PHKB: variants seen among roughly 807,000 people sequenced by gnomAD.
The protein encoded by PHKB is phosphorylase b kinase regulatory subunit beta.
Under a neutral mutation model 152.1 loss-of-function variants are expected in PHKB, and 122 were observed. The observed-to-expected ratio is 0.80, with a 90% CI of 0.69 to 0.93. The LOEUF is 0.93. PHKB is among the 40% of genes least tolerant of loss of function. The pLI, the probability that PHKB is intolerant of heterozygous loss-of-function variation, is 0.00. For missense variants in PHKB, 1,304 were observed against 1,328.4 expected (o/e 0.98, Z 0.29); for synonymous variants, 436 against 464.9 (o/e 0.94, Z 0.80).
intron 3 of PHKB, among the ~76,000 whole-genome samples, chr16:47,501,239 T>G (rs1044188007): frequency 6.6e-6 from 1 of 152,180 alleles, no homozygotes; most frequent in Non-Finnish European, 1.5e-5. Flanking sequence ...AGTCTACATA[T>G]GAACAAAGCT....
chr16:47,558,140 A>AACCAAAC (rs1306367015), intron 7 of PHKB, among the ~76,000 whole-genome samples: 1 of 150,086 alleles, frequency 6.7e-6, no homozygotes, highest in Non-Finnish European at 1.5e-5. Flanking sequence ...AAGGACAAAA[A>AACCAAAC]ACCAAACACT....
chr16:47,606,527 G>A (rs1447506726), intron 13 of PHKB, among the ~76,000 whole-genome samples: 4 of 152,118 alleles, frequency 2.6e-5, no homozygotes, highest in Non-Finnish European at 5.9e-5. Flanking sequence ...GAAGTGTGCC[G>A]ACTCACTTTA....
At chr16:47,676,657 A>G (rs1973737578) in intron 26 of PHKB, among the ~76,000 whole-genome samples, 1 of 152,154 alleles carries the variant, frequency 6.6e-6, no homozygotes, top group South Asian at 2.1e-4. Flanking sequence ...TTCCAAGGTT[A>G]ATCTTGCCAA....
rs377750531 is a variant in PHKB at position 47,503,021 on chromosome 16, T to G, written c.336T>G (p.His112Gln). 3 of 1,613,240 alleles carry G rather than the reference T, an allele frequency of 1.9e-6. No individual in the cohort carries two copies. Among genetic ancestry groups the G allele is most frequent in the Non-Finnish European group, 2.5e-6 (3 of 1,179,144 alleles). Residue 112 changes from histidine (H) to glutamine (Q), a missense_variant, in exon 4 of 31, where the codon CAT becomes CAG. Transcript: ENST00000323584. Reference sequence around the variant, plus strand: ...TTGATGATGACAAGGGAAGGACCCATGAGCTGGAGCACTCAGCTATAAAAT... The same window carrying G: ...TTGATGATGACAAGGGAAGGACCCAGGAGCTGGAGCACTCAGCTATAAAAT... ...RRIDDDKGRT[H>Q]ELEHSAIKCM...
At chr16:47,504,582 A>G (rs563906823) in intron 4 of PHKB, among the ~76,000 whole-genome samples, 3 of 152,362 alleles carry the variant, frequency 2.0e-5, no homozygotes, top group African/African-American at 7.2e-5. Flanking sequence ...AACTCTTTTC[A>G]GGACAATCTG....
chr16:47,580,410 T>C (rs1310184399), intron 8 of PHKB, 52 bp downstream of exon 8: 4 of 1,273,970 alleles, frequency 3.1e-6, no homozygotes, highest in African/African-American at 2.9e-5. Flanking sequence ...CACATTTAAT[T>C]AATTTGGCTA....
chr16:47,489,771 T>C (rs1970114845), intron 1 of PHKB, among the ~76,000 whole-genome samples: 1 of 152,214 alleles, frequency 6.6e-6, no homozygotes, highest in Admixed American at 6.5e-5. Flanking sequence ...AAGTTGAGCT[T>C]GACTCTTTAA....
rs749953598 is a variant in PHKB, at chr16:47,499,818, G to A, written c.229G>A (p.Gly77Ser). ...TTGLFPTKTCGGDQKAKIQDS... is the reference protein window; with the variant it reads ...TTGLFPTKTCSGDQKAKIQDS... ...CGGTCTCTTTCCCACTAAAACATGCGGTGGTGACCAGAAGGCCAAGATCCA... is the reference window on the plus strand; with the variant it reads ...CGGTCTCTTTCCCACTAAAACATGCAGTGGTGACCAGAAGGCCAAGATCCA... Residue 77 changes from glycine to serine, a missense_variant, in exon 3 of 31, where the codon GGT (glycine) becomes AGT (serine). Physicochemically the swap from Gly to Ser is moderately conservative, Grantham distance 56 (BLOSUM62 0). Coordinates refer to ENST00000323584, the MANE Select transcript of PHKB (RefSeq NM_000293.3). 3.2e-5 allele frequency: 51 copies of A among 1,614,050 alleles called. No individual in the cohort carries two copies. The highest frequency in any genetic ancestry group is 5.3e-5 in the African/African-American group (4 of 74,930).
intron 16 of PHKB, among the ~76,000 whole-genome samples, chr16:47,642,536 A>G (rs1973043317): frequency 6.6e-6 from 1 of 152,232 alleles, no homozygotes; most frequent in African/African-American, 2.4e-5. Flanking sequence ...GTTTAGTAGA[A>G]GTCTTTGTAA....
At chr16:47,541,918 T>G (rs1971066919) in intron 6 of PHKB, among the ~76,000 whole-genome samples, 1 of 152,228 alleles carries the variant, frequency 6.6e-6, no homozygotes, top group African/African-American at 2.4e-5. Context: ...ATGGGTAGAT[T>G]GCAAAATTTT....
chr16:47,470,454 A>T (rs755709510), intron 1 of PHKB, among the ~76,000 whole-genome samples: 1 of 152,184 alleles, frequency 6.6e-6, no homozygotes, highest in Non-Finnish European at 1.5e-5. Flanking sequence ...TCATTCCTTA[A>T]ACCCACAACT....
intron 5 of PHKB, among the ~76,000 whole-genome samples, chr16:47,514,354 C>T (rs1383863165): frequency 6.6e-6 from 1 of 152,130 alleles, no homozygotes; most frequent in Admixed American, 6.5e-5. Context: ...ATCTGAAAGC[C>T]TCAGAACCAT....
intron 13 of PHKB, chr16:47,597,723 C>T (rs1344170934): frequency 1.7e-5 from 2 of 116,186 alleles, no homozygotes; most frequent in Non-Finnish European, 3.4e-5. Context: ...AATTTATAGT[C>T]GTATGACTAA....
intron 5 of PHKB, among the ~76,000 whole-genome samples, 168 bp from the exon 6 acceptor site, chr16:47,515,353 G>A (rs993406237): frequency 6.6e-6 from 1 of 152,050 alleles, no homozygotes; most frequent in African/African-American, 2.4e-5. Flanking sequence ...TACAAAGCTG[G>A]GATTTTTATT....
chr16:47,545,478 G>T (rs1161791695), intron 6 of PHKB, among the ~76,000 whole-genome samples: 1 of 152,200 alleles, frequency 6.6e-6, no homozygotes, highest in East Asian at 1.9e-4. Context: ...AGTCTGATGG[G>T]CTTCCCTTTG....
chr16:47,636,364 A>T (rs1972919927), intron 14 of PHKB, among the ~76,000 whole-genome samples: 1 of 152,208 alleles, frequency 6.6e-6, no homozygotes, highest in Non-Finnish European at 1.5e-5. Context: ...TCATGGAGCC[A>T]GAGGGGGCCA....
chr16:47,579,871 T>C (rs530716593), intron 7 of PHKB, among the ~76,000 whole-genome samples: 1 of 152,306 alleles, frequency 6.6e-6, no homozygotes, highest in East Asian at 1.9e-4. Flanking sequence ...TTGTATGATA[T>C]GCAAGATCTT....
At chr16:47,663,262 G>C (rs951119768) in intron 23 of PHKB, among the ~76,000 whole-genome samples, 1 of 152,036 alleles carries the variant, frequency 6.6e-6, no homozygotes, top group Non-Finnish European at 1.5e-5. Flanking sequence ...TACATAACAA[G>C]GCCTCAGTAA....
chr16:47,605,757 C>T (rs1033885098), intron 13 of PHKB, among the ~76,000 whole-genome samples: 3 of 151,444 alleles, frequency 2.0e-5, no homozygotes, highest in African/African-American at 7.2e-5. Context: ...TTGTAATATG[C>T]AACCTGATTT....
Sources: gnomAD v4.1 joint callset for allele counts (sites outside exome capture counted in the v4.1 genomes callset) on GRCh38, gnomAD v4.1.1 for gene constraint, MANE v1.5 for transcripts, NCBI Gene and HGNC (gene_info 2026-07-23, HGNC 2026-07-21) for gene names.